The following EML5 variants were observed in gnomAD, a reference collection of about 807,000 sequenced individuals.
The protein encoded by EML5 is EMAP like 5, also known as echinoderm microtubule-associated protein-like 5.
In EML5, 120 loss-of-function variants were observed where a neutral mutation model predicts 250.0. That is an observed-to-expected ratio of 0.48 (90% CI 0.41 to 0.56). The LOEUF is 0.56. Ranked by LOEUF, EML5 falls within the 20% of genes least tolerant of loss-of-function variation. The probability of loss-of-function intolerance (pLI) is 0.00; values close to 1 mark genes in which losing one functional copy is unlikely to be tolerated. For synonymous variants in EML5, 771 were observed against 806.5 expected (o/e 0.96, Z 0.75); for missense variants, 2,006 against 2,437.6 (o/e 0.82, Z 3.73).
chr14:88,733,579 G>T (rs966700186), intron 7 of EML5, among the ~76,000 whole-genome samples: 2 of 152,224 alleles, frequency 1.3e-5, no homozygotes, highest in African/African-American at 4.8e-5. Flanking sequence ...GTTCTACAAT[G>T]AAAGGATTAT....
At position 88,792,352 on chromosome 14, in the gene EML5, T is replaced by A; in HGVS notation, c.152A>T (p.Glu51Val). ...GCCCCGGTAGAACTTCTGCCTGTGC[T>A]CCCGCGGGCTGTACACCACGCCGAC... ...AGVGVVYSPR[E>V]HRQKFYRGHS... Residue 51 changes from glutamate to valine, a missense_variant, in exon 1 of 44, where the codon GAG (glutamate) becomes GTG (valine). Glu to Val is a moderately radical substitution (Grantham distance 121). Around this residue, in one of 7 missense-constraint regions of EML5, gnomAD observed 162 missense variants for 212.2 expected, o/e 0.76. Coordinates refer to ENST00000554922, the MANE Select transcript of EML5 (RefSeq NM_183387.3). This position sits in a 1 kb window ranked among gnomAD's most constrained non-coding sequence, Gnocchi z 6.9. The A allele has an allele frequency of 6.4e-7, 1 of 1,566,642 alleles. No homozygotes were observed. The highest frequency in any genetic ancestry group is 1.4e-5 in the African/African-American group (1 of 73,468).
chr14:88,621,871 G>A, intron 37 of EML5: 2 of 456,410 alleles, frequency 4.4e-6, no homozygotes, highest in Non-Finnish European at 8.8e-6. Flanking sequence ...ATTTCTTTGT[G>A]ATGGAAACTT....
At chr14:88,740,339 G>A in intron 5 of EML5, 48 bp downstream of exon 5, 1 of 1,485,862 alleles carries the variant, frequency 6.7e-7, no homozygotes, top group Non-Finnish European at 9.1e-7. Context: ...TCTAAGACAA[G>A]GTTAAGTAAT....
At position 88,706,339 on chromosome 14, in the gene EML5, C is replaced by T. The variant is rs1357617972; in HGVS notation, c.1745G>A (p.Gly582Asp). Residue 582 changes from glycine (G) to aspartate (D), a missense_variant, in exon 11 of 44, where the codon GGT becomes GAT. Around this residue, in one of 7 missense-constraint regions of EML5, gnomAD observed 1,375 missense variants for 1,590.3 expected, o/e 0.86. Transcript: ENST00000554922. The part of the protein sequence containing the change: ...SHDYQWVISI[G>D]GADHSVFQWK... ...CTGAAAGACAGAGTGATCTGCTCCA[C>T]CAATAGAAATAACCCACTGATAATC... 1 of 1,610,158 alleles carries T rather than the reference C, an allele frequency of 6.2e-7. No individual in the cohort carries two copies. The highest frequency in any genetic ancestry group is 8.5e-7 in the Non-Finnish European group (1 of 1,178,308).
intron 20 of EML5, among the ~76,000 whole-genome samples, chr14:88,684,154 T>C (rs1276621938): frequency 6.6e-6 from 1 of 150,654 alleles, no homozygotes; most frequent in East Asian, 1.9e-4. Flanking sequence ...TGCATTTTGA[T>C]ACACTAGAAA....
chr14:88,626,521 G>A (rs2089966857), intron 35 of EML5: 1 of 280,774 alleles, frequency 3.6e-6, no homozygotes, highest in Non-Finnish European at 6.8e-6. Context: ...CTACTAAGGA[G>A]GCTGAGGATC....
At chr14:88,694,610 G>A (rs2093034348) in intron 16 of EML5, among the ~76,000 whole-genome samples, 1 of 152,118 alleles carries the variant, frequency 6.6e-6, no homozygotes, top group Non-Finnish European at 1.5e-5. Flanking sequence ...AGACAGAAAT[G>A]GTCAAAACTG....
rs970814809 is a variant in EML5 at position 88,780,606 on chromosome 14, C to T, written c.197+11701G>A. 2.6e-5 allele frequency among the ~76,000 whole-genome samples: 4 copies of T among 151,762 alleles called. No homozygotes were observed. The South Asian group carries it at 8.3e-4, about 32-fold the overall frequency. ...TTTTCTTTTAAGATGGAGTCTCACT[C>T]ACTGTGTCATCCAGGCTGGAGTGCA... On this transcript the variant is annotated intron_variant, in intron 1 of 43. Transcript: ENST00000554922.
rs2087497371 is a variant in EML5 at position 88,615,749 on chromosome 14, T to G, written c.*69A>C. On this transcript the variant is annotated 3_prime_UTR_variant, in exon 44 of 44. Transcript: ENST00000554922. ...GTTAGCACCACTTGACCATGCAGGG[T>G]TGGGTTTTGGTTTTTCTTCTCTGTA... The G allele has an allele frequency of 4.1e-6, 6 of 1,480,638 alleles. No homozygotes were observed. The East Asian group carries it at 1.2e-4, about 29-fold the overall frequency. The allele number at this position is 1,480,638 out of a possible 1,614,324, so 91.7% of individuals were successfully genotyped here. A position where few individuals can be genotyped will look rare whatever the true frequency, so the allele number is the denominator to read the frequency against.
At chr14:88,733,558 TG>T (rs1566720868) in intron 7 of EML5, among the ~76,000 whole-genome samples, 1 of 152,222 alleles carries the variant, frequency 6.6e-6, no homozygotes, top group Non-Finnish European at 1.5e-5. Context: ...AGGTGGCACT[TG>T]GTAATAGCAG....
chr14:88,643,870 T>A (rs1362301915), intron 30 of EML5, among the ~76,000 whole-genome samples: 1 of 152,190 alleles, frequency 6.6e-6, no homozygotes, highest in Non-Finnish European at 1.5e-5. Flanking sequence ...GCAATCACCA[T>A]CGCACAGCTT....
At chr14:88,652,951 T>C (rs1360307183) in intron 27 of EML5, among the ~76,000 whole-genome samples, 1 of 152,208 alleles carries the variant, frequency 6.6e-6, no homozygotes, top group Non-Finnish European at 1.5e-5. Flanking sequence ...TTTTTCCATT[T>C]GTTTGTGTCC....
chr14:88,707,542 T>C (rs2093339178), intron 10 of EML5, among the ~76,000 whole-genome samples: 1 of 152,104 alleles, frequency 6.6e-6, no homozygotes. Context: ...TTTGATATTG[T>C]TTTAAACACT....
At chr14:88,728,675 G>A (rs2093705179) in intron 7 of EML5, among the ~76,000 whole-genome samples, 1 of 152,092 alleles carries the variant, frequency 6.6e-6, no homozygotes, top group Non-Finnish European at 1.5e-5. Context: ...AGAGGTGGAA[G>A]AAAATCCACC....
intron 8 of EML5, among the ~76,000 whole-genome samples, chr14:88,725,134 G>A (rs549626551): frequency 3.3e-5 from 5 of 152,162 alleles, no homozygotes; most frequent in Non-Finnish European, 7.4e-5. Context: ...GTAGAATGAT[G>A]GTTATCATGG....
chr14:88,778,467 A>G (rs2094467269), intron 1 of EML5, among the ~76,000 whole-genome samples: 1 of 152,220 alleles, frequency 6.6e-6, no homozygotes, highest in Non-Finnish European at 1.5e-5. Context: ...GTTTCTGGAC[A>G]TAGAACTGTG....
intron 1 of EML5, among the ~76,000 whole-genome samples, chr14:88,780,536 C>G (rs2094487568): frequency 1.3e-5 from 2 of 151,984 alleles, no homozygotes; most frequent in African/African-American, 4.8e-5. Context: ...GGTCTAAAAT[C>G]CACAGGGCAG....
intron 1 of EML5, among the ~76,000 whole-genome samples, chr14:88,778,279 TCTTA>T (rs1331502792): frequency 6.6e-6 from 1 of 152,180 alleles, no homozygotes; most frequent in African/African-American, 2.4e-5. Context: ...AAGAGAAAGT[TCTTA>T]CTTATCAATA....
chr14:88,673,489 C>A (rs1003387791), intron 21 of EML5, among the ~76,000 whole-genome samples: 3 of 152,194 alleles, frequency 2.0e-5, no homozygotes, highest in African/African-American at 7.2e-5. Context: ...CCTTCTCTCA[C>A]CACTCCTATT....
Sources: gnomAD v4.1 joint callset for allele counts (sites outside exome capture counted in the v4.1 genomes callset) on GRCh38, gnomAD v4.1.1 for gene constraint, gnomAD v4.1.1 regional missense constraint, Gnocchi (gnomAD v3.1) non-coding constraint, MANE v1.5 for transcripts, NCBI Gene and HGNC (gene_info 2026-07-23, HGNC 2026-07-21) for gene names.